RNF10: variants seen among roughly 807,000 people sequenced by gnomAD.
RNF10 encodes the protein E3 ubiquitin-protein ligase RNF10.
A neutral mutation model predicts 91.4 loss-of-function variants in RNF10; 38 were observed. The observed-to-expected ratio is 0.42, with a 90% CI of 0.32 to 0.54. The LOEUF (loss-of-function observed/expected upper bound fraction) is 0.54. Ranked by LOEUF, RNF10 falls within the 20% of genes least tolerant of loss-of-function variation. The pLI, the probability that RNF10 is intolerant of heterozygous loss-of-function variation, is 0.16. For missense variants in RNF10, 945 were observed against 1,012.0 expected (o/e 0.93, Z 0.90); for synonymous variants, 364 against 366.3 (o/e 0.99, Z 0.07).
chr12:120,571,341 G>A, intron 14 of RNF10, 50 bp downstream of exon 14: 1 of 1,306,468 alleles, frequency 7.7e-7, no homozygotes, highest in African/African-American at 1.5e-5. Flanking sequence ...CATGAACTCT[G>A]CTGCTCATTA....
intron 12 of RNF10, among the ~76,000 whole-genome samples, chr12:120,565,950 T>A (rs1447523587): frequency 6.6e-6 from 1 of 152,174 alleles, no homozygotes; most frequent in Non-Finnish European, 1.5e-5. Context: ...ATGCAGGAAG[T>A]TGGATTTAAG....
At chr12:120,540,369 A>T (rs1871377756) in intron 1 of RNF10, among the ~76,000 whole-genome samples, 1 of 151,976 alleles carries the variant, frequency 6.6e-6, no homozygotes, top group African/African-American at 2.4e-5. Context: ...GAGAACCACC[A>T]CTCTGAGATT....
Position 120,539,781 on chromosome 12 carries a change from G to A in RNF10, c.157+4813G>A, listed in dbSNP as rs1278532368. 2.6e-5 allele frequency among the ~76,000 whole-genome samples: 4 copies of A among 152,012 alleles called. No homozygotes were observed. In the East Asian group the frequency reaches 7.7e-4, roughly 29 times the overall value. ...TCTTGTCCATTTTGGAATGTGTCTT[G>A]ACAGTAGTTCTTGGCAGTTGTTCTC... On this transcript the variant is annotated intron_variant, in intron 1 of 16. Transcript: ENST00000325954.
intron 2 of RNF10, among the ~76,000 whole-genome samples, chr12:120,547,717 G>C (rs1330227622): frequency 2.0e-5 from 3 of 152,196 alleles, no homozygotes; most frequent in Non-Finnish European, 4.4e-5. Flanking sequence ...TGGAGGAGGA[G>C]AGGTAGGAAA....
chr12:120,557,589 A>T lies in RNF10; in HGVS notation c.874A>T (p.Ile292Phe), dbSNP rs934874058. 1 of 1,614,052 alleles carries T rather than the reference A, an allele frequency of 6.2e-7. No individual in the cohort carries two copies. The highest frequency in any genetic ancestry group is 1.3e-5 in the African/African-American group (1 of 74,928). Residue 292 changes from isoleucine to phenylalanine, a missense_variant, in exon 6 of 17, where the codon ATT (isoleucine) becomes TTT (phenylalanine). Ile to Phe is a conservative substitution (Grantham distance 21). Transcript: ENST00000325954. ...ESHQYVVGDTITMQLMKREKG... is the reference protein window; with the variant it reads ...ESHQYVVGDTFTMQLMKREKG... Reference sequence around the variant, plus strand: ...ACATCAGTATGTTGTTGGTGATACCATTACGATGCAGCTGATGAAGAGGGA... The same window carrying T: ...ACATCAGTATGTTGTTGGTGATACCTTTACGATGCAGCTGATGAAGAGGGA...
chr12:120,558,459 A>G (rs1480345293), intron 6 of RNF10, among the ~76,000 whole-genome samples: 2 of 143,128 alleles, frequency 1.4e-5, no homozygotes, highest in Non-Finnish European at 2.9e-5. Flanking sequence ...TTAATTAAAA[A>G]AAAATCCTCA....
chr12:120,547,883 A>G (rs1464743306), intron 2 of RNF10, among the ~76,000 whole-genome samples: 1 of 152,160 alleles, frequency 6.6e-6, no homozygotes, highest in Admixed American at 6.5e-5. Context: ...CAGGAAGACT[A>G]AGAGACTACA....
chr12:120,552,379 G>A (rs757259089), intron 2 of RNF10, 120 bp from the exon 3 acceptor site: 89 of 783,640 alleles, frequency 1.1e-4, no homozygotes, highest in Non-Finnish European at 1.6e-4. Flanking sequence ...CAGCCTGGAT[G>A]ACAGAGTAAG....
chr12:120,546,664 C>G (rs1312065645), intron 2 of RNF10, 63 bp downstream of exon 2: 3 of 1,431,794 alleles, frequency 2.1e-6, no homozygotes, highest in Non-Finnish European at 1.9e-6. Context: ...ATCCCCCGTC[C>G]CCCAGTTTAT....
At chr12:120,551,117 A>T (rs1872984051) in intron 2 of RNF10, among the ~76,000 whole-genome samples, 1 of 150,090 alleles carries the variant, frequency 6.7e-6, no homozygotes. Context: ...TTCCAAGTAG[A>T]TGGGACCACA....
intron 1 of RNF10, chr12:120,539,559 C>A: frequency 1.9e-6 from 1 of 518,994 alleles, no homozygotes; most frequent in Non-Finnish European, 3.4e-6. Flanking sequence ...CCTGTTAGAA[C>A]TAGAGCTAGA....
intron 14 of RNF10, among the ~76,000 whole-genome samples, chr12:120,571,586 TG>T (rs1876633215): frequency 6.6e-6 from 1 of 152,196 alleles, no homozygotes; most frequent in African/African-American, 2.4e-5. Flanking sequence ...GGAAAGCTCA[TG>T]GATTTAGTCC....
intron 7 of RNF10, 46 bp downstream of exon 7, chr12:120,560,932 G>C (rs372428079): frequency 6.3e-7 from 1 of 1,584,556 alleles, no homozygotes; most frequent in Non-Finnish European, 8.6e-7. Flanking sequence ...CTTTCTCGGC[G>C]TTCTGTGGTG....
intron 9 of RNF10, 49 bp downstream of exon 9, chr12:120,563,672 G>A (rs768445341): frequency 5.7e-6 from 9 of 1,569,170 alleles, no homozygotes; most frequent in Non-Finnish European, 7.8e-6. Context: ...GTGTTTCAGA[G>A]GTGACCCGGT....
At chr12:120,564,627 T>A (rs1434729723) in intron 10 of RNF10, among the ~76,000 whole-genome samples, 1 of 152,206 alleles carries the variant, frequency 6.6e-6, no homozygotes, top group East Asian at 1.9e-4. Context: ...TGGGCTTCAT[T>A]TTCTACTATT....
At chr12:120,556,484 T>C (rs1874029401) in intron 4 of RNF10, among the ~76,000 whole-genome samples, 1 of 115,626 alleles carries the variant, frequency 8.6e-6, no homozygotes, top group Admixed American at 1.3e-4. Flanking sequence ...TGAGCCGAGA[T>C]GGCGCCACTG....
At chr12:120,549,777 T>G (rs1378618692) in intron 2 of RNF10, among the ~76,000 whole-genome samples, 2 of 152,048 alleles carry the variant, frequency 1.3e-5, no homozygotes, top group Admixed American at 1.3e-4. Context: ...AGAGCAAGAC[T>G]CCATCTCCAA....
At chr12:120,572,893 G>T (rs574858) in intron 14 of RNF10, among the ~76,000 whole-genome samples, 1 of 134,968 alleles carries the variant, frequency 7.4e-6, no homozygotes. Flanking sequence ...GAACCACTGC[G>T]CCTGGCCTTT....
chr12:120,566,378 G>A (rs1233218777), intron 12 of RNF10, among the ~76,000 whole-genome samples: 2 of 152,206 alleles, frequency 1.3e-5, no homozygotes, highest in South Asian at 2.1e-4. Context: ...TAGAAGGACA[G>A]TTATTGTAAA....
Sources: gnomAD v4.1 joint callset for allele counts (sites outside exome capture counted in the v4.1 genomes callset) on GRCh38, gnomAD v4.1.1 for gene constraint, MANE v1.5 for transcripts, NCBI Gene and HGNC (gene_info 2026-07-23, HGNC 2026-07-21) for gene names.